Variants in KLF13 observed in about 807,000 individuals in gnomAD.
KLF13 encodes the protein Krueppel-like factor 13.
KLF13 carries 8 observed loss-of-function variants against 16.7 expected under a neutral mutation model. The ratio of observed to expected loss-of-function variants is 0.48; its 90% CI spans 0.28 to 0.87. The LOEUF (loss-of-function observed/expected upper bound fraction) is 0.87. Ranked by LOEUF, KLF13 falls within the 40% of genes least tolerant of loss-of-function variation. KLF13 has a pLI of 0.10. For synonymous variants in KLF13, 245 were observed against 208.4 expected, an observed-to-expected ratio of 1.18 and a Z score of -1.51; for missense variants, 447 against 452.2, an observed-to-expected ratio of 0.99 and a Z score of 0.10.
intron 1 of KLF13, among the ~76,000 whole-genome samples, chr15:31,328,091 G>A (rs894747532): frequency 9.1e-5 from 13 of 142,990 alleles, no homozygotes; most frequent in African/African-American, 2.3e-4. Context: ...TGGGGGCGGG[G>A]ACCCCTCCCG....
chr15:31,397,424 C>T (rs181939079), intron 2 of KLF13, among the ~76,000 whole-genome samples: 45 of 152,344 alleles, frequency 3.0e-4, no homozygotes, highest in African/African-American at 1.1e-3. Context: ...GCCCTCTCCT[C>T]CTCAGTGACG....
At chr15:31,394,545 T>A (rs182796663) in intron 2 of KLF13, among the ~76,000 whole-genome samples, 5 of 151,636 alleles carry the variant, frequency 3.3e-5, no homozygotes, top group African/African-American at 1.2e-4. Flanking sequence ...AGTGTGGGTG[T>A]GTATTTTATA....
At position 31,376,621 on chromosome 15, in the gene KLF13, C is replaced by T. The variant is rs1024374975; in HGVS notation, c.*4322C>T. ...CTGAAGGCTTGTCTGAGACACATTC[C>T]GGAGACCTTTGTACCAGAACTTGGA... On this transcript the variant is annotated 3_prime_UTR_variant, in exon 2 of 2. Coordinates refer to ENST00000307145, the MANE Select transcript of KLF13 (RefSeq NM_015995.4). The T allele has an allele frequency of 2.6e-5, 4 of 152,622 alleles. No individual in the cohort carries two copies. Among genetic ancestry groups the T allele is most frequent in the Non-Finnish European group, 4.4e-5 (3 of 68,038 alleles). The allele number at this position is 152,622 out of a possible 1,614,324, so 9.5% of individuals were successfully genotyped here. A position where few individuals can be genotyped will look rare whatever the true frequency, so the allele number is the denominator to read the frequency against.
At chr15:31,341,347 CACGTGTGTGT>C (rs1188546829) in intron 1 of KLF13, among the ~76,000 whole-genome samples, 2 of 152,026 alleles carry the variant, frequency 1.3e-5, no homozygotes, top group Non-Finnish European at 2.9e-5. Context: ...CGTGTGTGTT[CACGTGTGTGT>C]ACGTGTGTGT....
At chr15:31,431,017 T>A (rs2040465296) in intron 1 of KLF13, among the ~76,000 whole-genome samples, 1 of 152,132 alleles carries the variant, frequency 6.6e-6, no homozygotes, top group South Asian at 2.1e-4. Flanking sequence ...ACGTTGAAAT[T>A]CTAACCCCCA....
intron 1 of KLF13, among the ~76,000 whole-genome samples, chr15:31,362,582 G>C (rs928427519): frequency 1.3e-5 from 2 of 152,218 alleles, no homozygotes; most frequent in Admixed American, 6.5e-5. Context: ...TTGATGGCTA[G>C]CATTTTCTAG....
intron 1 of KLF13, among the ~76,000 whole-genome samples, chr15:31,347,478 C>T (rs2039142045): frequency 6.6e-6 from 1 of 152,166 alleles, no homozygotes; most frequent in South Asian, 2.1e-4. Context: ...CCTCAGGGGG[C>T]TGGGCTGGGG....
At chr15:31,361,668 C>T (rs983132495) in intron 1 of KLF13, among the ~76,000 whole-genome samples, 1 of 152,130 alleles carries the variant, frequency 6.6e-6, no homozygotes, top group Non-Finnish European at 1.5e-5. Context: ...GCCCCTCCCT[C>T]AGTTGCCTAG....
At chr15:31,420,656 C>T in intron 1 of KLF13, 1 of 377,666 alleles carries the variant, frequency 2.6e-6, no homozygotes, top group Non-Finnish European at 5.0e-6. Context: ...AGCCAGGACC[C>T]CTGACCCAGG....
At position 31,419,708 on chromosome 15, in the gene KLF13, T is replaced by C. The variant is rs769325502; in HGVS notation, n.118-15662T>C. Among the ~76,000 whole-genome samples the C allele has an allele frequency of 6.4e-4, 98 of 152,218 alleles. 1 individual carries two copies. The highest frequency in any genetic ancestry group is 1.1e-3 in the Non-Finnish European group (77 of 68,002). ...ATCAAGCCTATCAATATACATGTTA[T>C]AGGAGTTAAAAAGAAGAAAGAGAGC... On this transcript the variant is annotated intron_variant and non_coding_transcript_variant, in intron 1 of 1. Transcript: ENST00000558225.
intron 1 of KLF13, among the ~76,000 whole-genome samples, chr15:31,384,583 G>A (rs1170307902): frequency 6.6e-6 from 1 of 152,080 alleles, no homozygotes; most frequent in African/African-American, 2.4e-5. Flanking sequence ...ACTCACAATA[G>A]CACTTTTGTG....
intron 1 of KLF13, among the ~76,000 whole-genome samples, chr15:31,352,185 C>T (rs1989684): frequency 0.036 from 5,412 of 152,246 alleles, 332 homozygotes; most frequent in African/African-American, 0.12. Context: ...CAGACTGTTC[C>T]GAATAGGCCT....
Position 31,374,667 on chromosome 15 carries a change from G to C in KLF13, c.*2368G>C, listed in dbSNP as rs2039614711. On this transcript the variant is annotated 3_prime_UTR_variant, in exon 2 of 2. Transcript: ENST00000307145. ...GTTCCCCAAGGCAGGGAGAGGGAGT[G>C]GCCCGTCCCTGGGAGGCTGGCAAAG... is the stretch of plus-strand genomic sequence containing the variant. 1 of 152,436 alleles carries C rather than the reference G, an allele frequency of 6.6e-6. No individual in the cohort carries two copies. The highest frequency in any genetic ancestry group is 6.5e-5 in the Admixed American group (1 of 15,272). 9.4% of individuals were successfully genotyped at this position (152,436 alleles called of 1,614,324 possible).
At chr15:31,346,698 T>A (rs183379337) in intron 1 of KLF13, among the ~76,000 whole-genome samples, 5 of 152,338 alleles carry the variant, frequency 3.3e-5, no homozygotes. Flanking sequence ...CACCTTCAAC[T>A]GGAAGAAGAA....
intron 1 of KLF13, among the ~76,000 whole-genome samples, chr15:31,412,482 A>G (rs984062133): frequency 1.3e-5 from 2 of 152,226 alleles, no homozygotes; most frequent in Non-Finnish European, 2.9e-5. Flanking sequence ...CTATGAAAAA[A>G]AAACACTTCT....
intron 1 of KLF13, chr15:31,339,835 G>A (rs190813109): frequency 9.4e-5 from 62 of 657,520 alleles, no homozygotes; most frequent in Admixed American, 4.4e-4. Flanking sequence ...CTGCTGTCTC[G>A]TGGGAGTGCC....
At chr15:31,400,807 T>C (rs1314539945) in intron 2 of KLF13, among the ~76,000 whole-genome samples, 1 of 151,950 alleles carries the variant, frequency 6.6e-6, no homozygotes, top group Non-Finnish European at 1.5e-5. Flanking sequence ...CCAGAGTCAG[T>C]TGTGCTGGTT....
chr15:31,394,137 G>A (rs2039918512), intron 2 of KLF13, among the ~76,000 whole-genome samples: 1 of 152,068 alleles, frequency 6.6e-6, no homozygotes, highest in African/African-American at 2.4e-5. Context: ...AAAAAAGGAA[G>A]GTGCCAAGCA....
intron 1 of KLF13, among the ~76,000 whole-genome samples, chr15:31,328,277 G>T (rs959162046): frequency 2.0e-5 from 3 of 151,702 alleles, no homozygotes; most frequent in Middle Eastern, 3.4e-3. Flanking sequence ...GGCGCGCGGC[G>T]GGCGAAGTTC....
Sources: gnomAD v4.1 joint callset for allele counts (sites outside exome capture counted in the v4.1 genomes callset) on GRCh38, gnomAD v4.1.1 for gene constraint, MANE v1.5 for transcripts, NCBI Gene and HGNC (gene_info 2026-07-23, HGNC 2026-07-21) for gene names.